PPP1R9A: variants seen among roughly 807,000 people sequenced by gnomAD.
PPP1R9A encodes the protein protein phosphatase 1 regulatory subunit 9A, also known as neurabin-1.
PPP1R9A carries 59 observed loss-of-function variants against 141.9 expected under a neutral mutation model. The observed-to-expected ratio is 0.42, with a 90% CI of 0.34 to 0.52. PPP1R9A has a LOEUF of 0.52. PPP1R9A is among the 20% of genes least tolerant of loss of function. The pLI is 0.10. For missense variants in PPP1R9A, 1,444 were observed against 1,611.9 expected (o/e 0.90, Z 1.78); for synonymous variants, 500 against 569.7 (o/e 0.88, Z 1.74).
chr7:95,071,464 C>G (rs1813801245), intron 2 of PPP1R9A, among the ~76,000 whole-genome samples: 1 of 151,800 alleles, frequency 6.6e-6, no homozygotes, highest in Non-Finnish European at 1.5e-5. Flanking sequence ...TTCCTAGATA[C>G]AATATCTAGT....
intron 2 of PPP1R9A, among the ~76,000 whole-genome samples, chr7:95,040,931 A>G (rs1188119445): frequency 6.6e-6 from 1 of 152,088 alleles, no homozygotes; most frequent in East Asian, 1.9e-4. Flanking sequence ...AATAAAATCT[A>G]CCTCTTTAGC....
chr7:94,972,173 C>T (rs1303135667), intron 2 of PPP1R9A, among the ~76,000 whole-genome samples: 1 of 152,030 alleles, frequency 6.6e-6, no homozygotes. Context: ...TTTCATACAA[C>T]CTTGGTATTG....
At chr7:95,193,198 T>G (rs1835763327) in intron 5 of PPP1R9A, among the ~76,000 whole-genome samples, 1 of 152,124 alleles carries the variant, frequency 6.6e-6, no homozygotes. Context: ...GCTTTAAATT[T>G]ATTGGATTAC....
rs1336681873 is a variant in PPP1R9A, at chr7:95,057,290, CT to C, written c.1396-53968del. On this transcript the variant is annotated intron_variant, in intron 2 of 19. Coordinates refer to ENST00000433360, the MANE Select transcript of PPP1R9A (RefSeq NM_001166160.2). ...AGTTCTATGAACTTGATTTTTTCCC[CT>C]GAACATGGAGAAAAAGCAAATAATA... Among the ~76,000 whole-genome samples the C allele has an allele frequency of 4.5e-4, 68 of 152,046 alleles. 1 individual carries two copies. The highest frequency in any genetic ancestry group is 3.4e-3 in the Admixed American group (52 of 15,272).
intron 2 of PPP1R9A, among the ~76,000 whole-genome samples, chr7:95,100,837 TTGTC>T (rs1449191173): frequency 1.3e-5 from 2 of 148,262 alleles, no homozygotes; most frequent in East Asian, 4.0e-4. Flanking sequence ...CCCAGGTTCT[TTGTC>T]TGATTTTTTT....
In PPP1R9A at chr7:95,076,140, T is replaced by A. The variant is rs182262757; in HGVS notation, c.1396-35119T>A. 4.6e-5 allele frequency among the ~76,000 whole-genome samples: 7 copies of A among 152,296 alleles called. No homozygotes were observed. The East Asian group carries it at 1.2e-3, about 25-fold the overall frequency. ...CTAGTCTCAAACTCCTGGGCTGATG[T>A]GATCCTCCCACCTTGGCCTCCGAAA... is the stretch of plus-strand genomic sequence containing the variant. On this transcript the variant is annotated intron_variant, in intron 2 of 19. Transcript: ENST00000433360.
intron 6 of PPP1R9A, among the ~76,000 whole-genome samples, chr7:95,200,679 G>A (rs1359508031): frequency 6.6e-6 from 1 of 152,138 alleles, no homozygotes. Flanking sequence ...ATGGAAGATT[G>A]TTTATAGATT....
intron 2 of PPP1R9A, among the ~76,000 whole-genome samples, chr7:94,935,533 C>T (rs1794677849): frequency 6.6e-6 from 1 of 152,108 alleles, no homozygotes; most frequent in Non-Finnish European, 1.5e-5. Context: ...TCTCTTCTTG[C>T]CTTGTTTTAA....
intron 2 of PPP1R9A, among the ~76,000 whole-genome samples, chr7:95,047,455 TTCTG>T (rs904894504): frequency 2.0e-5 from 3 of 152,218 alleles, no homozygotes; most frequent in African/African-American, 4.8e-5. Context: ...CAGGATCTTT[TTCTG>T]TCTGTTTTGA....
chr7:95,122,048 T>G (rs1479869226), intron 4 of PPP1R9A, among the ~76,000 whole-genome samples: 1 of 152,204 alleles, frequency 6.6e-6, no homozygotes, highest in Non-Finnish European at 1.5e-5. Context: ...AGCTTTAAAT[T>G]TTTTTATGTT....
intron 4 of PPP1R9A, among the ~76,000 whole-genome samples, chr7:95,128,919 T>A (rs1344783329): frequency 6.6e-6 from 1 of 152,194 alleles, no homozygotes; most frequent in Non-Finnish European, 1.5e-5. Flanking sequence ...ATAAATTCTC[T>A]CCCAAGGCCA....
chr7:95,082,425 T>C (rs1816002741), intron 2 of PPP1R9A, among the ~76,000 whole-genome samples: 1 of 150,550 alleles, frequency 6.6e-6, no homozygotes, highest in African/African-American at 2.5e-5. Flanking sequence ...AGTTGTCTGC[T>C]GCCTGGTGCA....
intron 2 of PPP1R9A, among the ~76,000 whole-genome samples, chr7:95,057,620 C>T (rs1174733543): frequency 2.0e-5 from 3 of 152,218 alleles, no homozygotes; most frequent in East Asian, 1.9e-4. Context: ...GCTTATACAA[C>T]GTCTAAAACT....
chr7:95,208,956 T>TAAAAAAAAAAAAAAAAAAAAAAAAAA (rs10670515), intron 7 of PPP1R9A, among the ~76,000 whole-genome samples: 11 of 76,872 alleles, frequency 1.4e-4, no homozygotes, highest in African/African-American at 2.2e-4. Flanking sequence ...ATAGCAAAAC[T>TAAAAAAAAAAAAAAAAAAAAAAAAAA]AAAAAAAAAA....
intron 2 of PPP1R9A, among the ~76,000 whole-genome samples, chr7:94,984,819 T>A (rs1282204962): frequency 6.6e-6 from 1 of 152,186 alleles, no homozygotes; most frequent in Non-Finnish European, 1.5e-5. Context: ...GGGTTTTTTG[T>A]GTCTCTATCT....
At chr7:94,907,931 G>A (rs1166260176) in intron 1 of PPP1R9A, 20 of 147,680 alleles carry the variant, frequency 1.4e-4, no homozygotes, top group African/African-American at 4.9e-4. Context: ...CGCCCGCCGC[G>A]GGCAGGGAGC....
chr7:94,979,542 G>A (rs1404093844), intron 2 of PPP1R9A, among the ~76,000 whole-genome samples: 1 of 152,204 alleles, frequency 6.6e-6, no homozygotes, highest in Non-Finnish European at 1.5e-5. Flanking sequence ...AGATAGTGTG[G>A]ACTTAAAAAA....
chr7:95,223,698 G>A (rs2152948767), intron 7 of PPP1R9A, among the ~76,000 whole-genome samples: 1 of 152,098 alleles, frequency 6.6e-6, no homozygotes, highest in Admixed American at 6.6e-5. Flanking sequence ...TTAGGGCTTA[G>A]TCATACTTTA....
chr7:95,046,678 A>G (rs529926474), intron 2 of PPP1R9A, among the ~76,000 whole-genome samples: 5 of 152,320 alleles, frequency 3.3e-5, no homozygotes, highest in Admixed American at 1.3e-4. Context: ...CATTTTAGCT[A>G]TGGGGACATC....
Sources: gnomAD v4.1 joint callset for allele counts (sites outside exome capture counted in the v4.1 genomes callset) on GRCh38, gnomAD v4.1.1 for gene constraint, MANE v1.5 for transcripts, NCBI Gene and HGNC (gene_info 2026-07-23, HGNC 2026-07-21) for gene names.